The following IL20RB variants were observed in gnomAD, a reference collection of about 807,000 sequenced individuals.
The protein encoded by IL20RB is interleukin-20 receptor subunit beta.
IL20RB carries 21 observed loss-of-function variants against 33.3 expected under a neutral mutation model. The observed-to-expected ratio is 0.63, with a 90% CI of 0.45 to 0.91. The LOEUF is 0.91. Among genes scored for constraint, IL20RB ranks in the 40% least tolerant of loss-of-function variants. IL20RB has a pLI of 0.00. For synonymous variants in IL20RB, 147 were observed against 146.8 expected, an observed-to-expected ratio of 1.00 and a Z score of -0.01; for missense variants, 345 against 384.8, an observed-to-expected ratio of 0.90 and a Z score of 0.86.
In IL20RB at chr3:136,995,551, A is replaced by G. The variant is rs1373945879; in HGVS notation, c.820A>G (p.Thr274Ala). The G allele has an allele frequency of 2.5e-6, 4 of 1,614,004 alleles. No individual in the cohort carries two copies. In the African/African-American group the frequency reaches 5.3e-5, roughly 22 times the overall value. The change falls in exon 6 of 7, where the codon ACC becomes GCC. Residue 274 changes from threonine to alanine, a missense_variant. Coordinates refer to ENST00000329582, the MANE Select transcript of IL20RB (RefSeq NM_144717.4). ...SCCPVVVLPD[T>A]LKITNSPQKL... ...TTGCCCCGTGGTGGTCCTCCCAGAC[A>G]CCTTGGTAATAGAGTAGTTCTTTAT...
chr3:136,990,733 A>G (rs2108208521), intron 4 of IL20RB, among the ~76,000 whole-genome samples: 1 of 152,300 alleles, frequency 6.6e-6, no homozygotes, highest in Middle Eastern at 3.4e-3. Flanking sequence ...TATCTGGACT[A>G]AGAGCACATG....
chr3:137,001,134 T>C (rs866833358), intron 6 of IL20RB, among the ~76,000 whole-genome samples: 1 of 152,160 alleles, frequency 6.6e-6, no homozygotes, highest in Non-Finnish European at 1.5e-5. Flanking sequence ...CGAAATAGCT[T>C]AGATGAGACC....
chr3:136,972,583 C>T (rs1417778122), intron 1 of IL20RB, among the ~76,000 whole-genome samples: 1 of 151,982 alleles, frequency 6.6e-6, no homozygotes, highest in African/African-American at 2.4e-5. Context: ...TCCAGTTTGT[C>T]AGCTTATAGT....
chr3:137,001,233 C>G (rs532449861), intron 6 of IL20RB, among the ~76,000 whole-genome samples: 15 of 152,326 alleles, frequency 9.8e-5, no homozygotes, highest in Non-Finnish European at 2.2e-4. Flanking sequence ...CTTCCCTGTT[C>G]TCTGTTACCA....
chr3:136,985,339 T>C (rs28392626), intron 3 of IL20RB, among the ~76,000 whole-genome samples: 15,645 of 56,688 alleles, frequency 0.28, 792 homozygotes, highest in East Asian at 0.52. Context: ...CTCTCTCTCT[T>C]TTTTTTTTTT....
intron 1 of IL20RB, chr3:136,959,692 C>T (rs1560062787): frequency 6.6e-6 from 1 of 152,174 alleles, no homozygotes; most frequent in Non-Finnish European, 1.5e-5. Context: ...TGAGTGTGCA[C>T]TTCTGACGCT....
chr3:136,979,006 A>T lies in IL20RB; in HGVS notation c.89-1460A>T, dbSNP rs151113881. ...TATGTAATTAAATTAGTTATATAAA[A>T]TGTAGCTTTGTATTTATATAGGTTT... On this transcript the variant is annotated intron_variant, in intron 1 of 6. Coordinates refer to ENST00000329582, the MANE Select transcript of IL20RB (RefSeq NM_144717.4). Among the ~76,000 whole-genome samples the T allele has an allele frequency of 8.7e-3, 1,329 of 152,346 alleles. 17 individuals carry two copies. The highest frequency in any genetic ancestry group is 0.03 in the African/African-American group (1,234 of 41,570).
chr3:136,986,509 A>T (rs574820562), intron 3 of IL20RB, among the ~76,000 whole-genome samples: 12 of 152,266 alleles, frequency 7.9e-5, no homozygotes, highest in African/African-American at 2.4e-4. Flanking sequence ...GGTGTTTCAG[A>T]GGTAGTGCTA....
At chr3:137,004,885 C>A (rs1293998814) in intron 6 of IL20RB, among the ~76,000 whole-genome samples, 1 of 152,156 alleles carries the variant, frequency 6.6e-6, no homozygotes, top group Non-Finnish European at 1.5e-5. Flanking sequence ...ATCTTTCCTG[C>A]TTTCTCTTGT....
intron 3 of IL20RB, among the ~76,000 whole-genome samples, chr3:136,986,342 G>C (rs937565006): frequency 2.6e-5 from 4 of 152,162 alleles, no homozygotes; most frequent in African/African-American, 7.2e-5. Context: ...TAGGACAGAG[G>C]TTCCTGCCCC....
intron 3 of IL20RB, chr3:136,986,655 C>T (rs1320045642): frequency 1.1e-5 from 5 of 456,502 alleles, no homozygotes; most frequent in South Asian, 4.6e-5. Flanking sequence ...ATGAGGGACG[C>T]GATGGGGAAA....
At position 136,958,285 on chromosome 3, in the gene IL20RB, G is replaced by T. The variant is rs565335460; in HGVS notation, c.88+84G>T. On this transcript the variant is annotated intron_variant, in intron 1 of 6. Transcript: ENST00000329582. ...AAAAAATACTTTCCCAGGGCCTGGG[G>T]TTGAAATATGTGTATAGAATATCGT... is the stretch of plus-strand genomic sequence containing the variant. 1.5e-5 allele frequency: 12 copies of T among 783,728 alleles called. No homozygotes were observed. In the African/African-American group the frequency reaches 1.9e-4, roughly 12 times the overall value. 48.5% of individuals were successfully genotyped at this position (783,728 alleles called of 1,614,324 possible).
intron 1 of IL20RB, among the ~76,000 whole-genome samples, chr3:136,960,834 G>A (rs1173256112): frequency 6.6e-6 from 1 of 152,210 alleles, no homozygotes; most frequent in Non-Finnish European, 1.5e-5. Flanking sequence ...AGGGACAAAG[G>A]AAAGGAAATA....
intron 3 of IL20RB, among the ~76,000 whole-genome samples, chr3:136,988,556 G>A (rs1025972234): frequency 6.6e-5 from 10 of 152,078 alleles, no homozygotes; most frequent in South Asian, 2.1e-4. Flanking sequence ...CCTGGGCAAT[G>A]TGGTGAAGTC....
rs564524481 is a variant in IL20RB, at chr3:136,997,758, T to G, written c.825+2202T>G. Among the ~76,000 whole-genome samples the G allele has an allele frequency of 2.1e-4, 32 of 152,222 alleles. 1 individual carries two copies. The East Asian group carries it at 2.9e-3, about 14-fold the overall frequency. The stretch of plus-strand genomic sequence containing the variant: ...CATTCTGACAACCTCTGCCTTTAAA[T>G]TGGTATTTTTAGTCCACTAACTTTT... On this transcript the variant is annotated intron_variant, in intron 6 of 6. Coordinates refer to ENST00000329582, the MANE Select transcript of IL20RB (RefSeq NM_144717.4).
At chr3:136,980,667 GCC>G in intron 2 of IL20RB, 75 bp downstream of exon 2, 3 of 1,544,516 alleles carry the variant, frequency 1.9e-6, no homozygotes, top group Non-Finnish European at 2.7e-6. Flanking sequence ...TTCCTCCTGA[GCC>G]CAAGGTGGCT....
intron 6 of IL20RB, among the ~76,000 whole-genome samples, chr3:137,003,632 G>A (rs902364932): frequency 6.6e-6 from 1 of 152,188 alleles, no homozygotes; most frequent in South Asian, 2.1e-4. Flanking sequence ...CTGAGGCTTT[G>A]CTGAAGTTGC....
intron 3 of IL20RB, among the ~76,000 whole-genome samples, chr3:136,987,963 C>A (rs1232193726): frequency 6.6e-6 from 1 of 152,232 alleles, no homozygotes; most frequent in Non-Finnish European, 1.5e-5. Context: ...CCAGCTCGCG[C>A]CTCTCCCTCC....
intron 1 of IL20RB, chr3:136,980,242 C>T: frequency 1.9e-6 from 1 of 530,228 alleles, no homozygotes; most frequent in South Asian, 2.1e-5. Context: ...TTAGTGTTAA[C>T]ATAAGCATGA....
Sources: allele counts gnomAD v4.1 joint callset (sites outside exome capture counted in the v4.1 genomes callset), GRCh38; gene constraint gnomAD v4.1.1; transcripts MANE v1.5; gene names NCBI Gene and HGNC (gene_info 2026-07-23, HGNC 2026-07-21).